Variants in WWC1 observed in about 807,000 individuals in gnomAD.
The protein encoded by WWC1 is WW and C2 domain containing 1, also known as protein KIBRA.
A neutral mutation model predicts 138.4 loss-of-function variants in WWC1; 55 were observed. The ratio of observed to expected loss-of-function variants is 0.40; its 90% CI spans 0.32 to 0.50. The LOEUF (loss-of-function observed/expected upper bound fraction) is 0.50, where lower values mean the gene tolerates loss of function less well. WWC1 is among the 20% of genes least tolerant of loss of function. WWC1 has a pLI of 0.72. For missense variants in WWC1, 1,226 were observed against 1,420.4 expected (o/e 0.86, Z 2.20); for synonymous variants, 524 against 564.9 (o/e 0.93, Z 1.03).
At chr5:168,343,683 G>T (rs963688012) in intron 1 of WWC1, among the ~76,000 whole-genome samples, 5 of 152,092 alleles carry the variant, frequency 3.3e-5, no homozygotes, top group Non-Finnish European at 5.9e-5. Context: ...TTAGCTGGGC[G>T]TGGTGGCGTG....
rs1582111775 is a variant in WWC1 at position 168,385,285 on chromosome 5, G to T, written c.304G>T (p.Val102Leu). The T allele has an allele frequency of 6.2e-7, 1 of 1,614,124 alleles. No individual in the cohort carries two copies. The highest frequency in any genetic ancestry group is 2.2e-5 in the East Asian group (1 of 44,874). Residue 102 changes from valine (V) to leucine (L), a missense_variant, in exon 3 of 23, where the codon GTG becomes TTG. Val to Leu is a conservative substitution (Grantham distance 32, BLOSUM62 1). Coordinates refer to ENST00000265293, the MANE Select transcript of WWC1 (RefSeq NM_015238.3). Reference protein sequence around the residue: ...QEHMLKDYLVVAQEALSAQKE... With the variant: ...QEHMLKDYLVLAQEALSAQKE... ...ACATATGCTGAAGGATTACCTGGTG[G>T]TGGCCCAGGAGGCTCTGAGTGCACA... is the stretch of plus-strand genomic sequence containing the variant.
At chr5:168,315,923 G>A (rs561699509) in intron 1 of WWC1, among the ~76,000 whole-genome samples, 136 of 152,262 alleles carry the variant, frequency 8.9e-4, no homozygotes, top group African/African-American at 2.9e-3. Flanking sequence ...TGTCCCTGGT[G>A]TAAGCTCAGA....
intron 19 of WWC1, among the ~76,000 whole-genome samples, chr5:168,458,392 G>A (rs2152889310): frequency 6.6e-6 from 1 of 152,284 alleles, no homozygotes; most frequent in African/African-American, 2.4e-5. Flanking sequence ...CCTCGGGTCT[G>A]ATCGTGAGTA....
At chr5:168,344,672 C>T (rs1042550146) in intron 1 of WWC1, among the ~76,000 whole-genome samples, 1 of 152,180 alleles carries the variant, frequency 6.6e-6, no homozygotes, top group Admixed American at 6.5e-5. Flanking sequence ...CTTGCTCAAG[C>T]CTTAGCATTG....
At chr5:168,436,946 A>T (rs58441583) in intron 15 of WWC1, among the ~76,000 whole-genome samples, 3,535 of 152,292 alleles carry the variant, frequency 0.023, 123 homozygotes, top group African/African-American at 0.074. Flanking sequence ...TTATGATGGC[A>T]TATGTCTCCA....
intron 15 of WWC1, among the ~76,000 whole-genome samples, chr5:168,436,810 G>A (rs564629302): frequency 6.6e-6 from 1 of 152,238 alleles, no homozygotes; most frequent in South Asian, 2.1e-4. Flanking sequence ...TTACCTGGAT[G>A]ATGGCAGCCA....
At chr5:168,407,944 C>T (rs1012567053) in intron 6 of WWC1, among the ~76,000 whole-genome samples, 4 of 151,220 alleles carry the variant, frequency 2.6e-5, no homozygotes, top group African/African-American at 4.9e-5. Flanking sequence ...CTCACTGCAG[C>T]GTCAAACTCC....
At chr5:168,442,585 C>G (rs13361480) in intron 16 of WWC1, among the ~76,000 whole-genome samples, 2 of 151,560 alleles carry the variant, frequency 1.3e-5, no homozygotes, top group East Asian at 3.9e-4. Flanking sequence ...GCCTGTAATC[C>G]CAGCACTTTG....
chr5:168,321,758 A>G (rs945641952), intron 1 of WWC1, among the ~76,000 whole-genome samples: 6 of 152,088 alleles, frequency 3.9e-5, no homozygotes, highest in Non-Finnish European at 5.9e-5. Flanking sequence ...GCTGGTCTCA[A>G]ACTCCCGACC....
intron 1 of WWC1, among the ~76,000 whole-genome samples, chr5:168,359,016 GTT>G (rs1472771175): frequency 3.7e-5 from 5 of 135,634 alleles, no homozygotes; most frequent in East Asian, 4.6e-4. Context: ...GGTTTTTGTT[GTT>G]GTTGGTGGTG....
chr5:168,395,549 C>T (rs1461777371), intron 3 of WWC1, among the ~76,000 whole-genome samples: 1 of 152,194 alleles, frequency 6.6e-6, no homozygotes, highest in African/African-American at 2.4e-5. Context: ...ACACTGTATG[C>T]TTAAGGTGAT....
chr5:168,417,299 G>A (rs777732869), intron 9 of WWC1, among the ~76,000 whole-genome samples: 2 of 152,186 alleles, frequency 1.3e-5, no homozygotes, highest in Non-Finnish European at 2.9e-5. Context: ...ATGGTCTGAA[G>A]GCAGGCAGTT....
chr5:168,404,376 A>T (rs192958818), intron 5 of WWC1, among the ~76,000 whole-genome samples: 1 of 152,302 alleles, frequency 6.6e-6, no homozygotes, highest in African/African-American at 2.4e-5. Context: ...GTCCTTGCCG[A>T]CCTGATAGGC....
At chr5:168,416,027 T>A (rs1189715703) in intron 9 of WWC1, 8 of 152,106 alleles carry the variant, frequency 5.3e-5, no homozygotes, top group Non-Finnish European at 1.2e-4. Flanking sequence ...TCATGGGGCT[T>A]CCAGAGAGCC....
At chr5:168,465,667 C>CCCACCTTA (rs1757232066) in intron 21 of WWC1, among the ~76,000 whole-genome samples, 1 of 146,236 alleles carries the variant, frequency 6.8e-6, no homozygotes. Flanking sequence ...AATTGATCCT[C>CCCACCTTA]CCACCTTAGC....
chr5:168,307,639 C>G (rs182481396), intron 1 of WWC1, among the ~76,000 whole-genome samples: 1 of 139,680 alleles, frequency 7.2e-6, no homozygotes, highest in Non-Finnish European at 1.5e-5. Flanking sequence ...GAGTCTCGCT[C>G]TGTTGTTCAG....
At position 168,292,765 on chromosome 5, in the gene WWC1, C is replaced by T. The variant is rs72838323; in HGVS notation, c.119+494C>T. Among the ~76,000 whole-genome samples, 19,453 of 152,028 alleles carry T rather than the reference C, an allele frequency of 0.13. 1,681 individuals are homozygous for T. The highest frequency in any genetic ancestry group is 0.17 in the Non-Finnish European group (11,549 of 67,956). On this transcript the variant is annotated intron_variant, in intron 1 of 22. Coordinates refer to ENST00000265293, the MANE Select transcript of WWC1 (RefSeq NM_015238.3). This position sits in a 1 kb window ranked among gnomAD's most constrained non-coding sequence, Gnocchi z 4.4. The stretch of plus-strand genomic sequence containing the variant: ...GGGAGACCACTGGAGAGAGGGCACT[C>T]GGCGCAGAGGAAGGCAACCTGAGGT...
chr5:168,312,815 C>CTT (rs763253959), intron 1 of WWC1, among the ~76,000 whole-genome samples: 14 of 123,758 alleles, frequency 1.1e-4, no homozygotes, highest in Non-Finnish European at 2.0e-4. Context: ...ATCCTAAGTA[C>CTT]TTTTTTTTTT....
intron 1 of WWC1, among the ~76,000 whole-genome samples, chr5:168,316,203 G>A (rs1771577960): frequency 2.0e-5 from 3 of 152,134 alleles, no homozygotes; most frequent in Non-Finnish European, 2.9e-5. Flanking sequence ...TGCCAAACTG[G>A]TAACTGTTGA....
Sources: allele counts gnomAD v4.1 joint callset (sites outside exome capture counted in the v4.1 genomes callset), GRCh38; gene constraint gnomAD v4.1.1; non-coding constraint Gnocchi (gnomAD v3.1); transcripts MANE v1.5; gene names NCBI Gene and HGNC (gene_info 2026-07-23, HGNC 2026-07-21).